SEC14L5: variants seen among roughly 807,000 people sequenced by gnomAD.
The protein encoded by SEC14L5 is SEC14 like lipid binding 5, also known as SEC14-like protein 5.
A neutral mutation model predicts 84.6 loss-of-function variants in SEC14L5; 96 were observed. The observed-to-expected ratio is 1.13, with a 90% CI of 0.96 to 1.34. The LOEUF (loss-of-function observed/expected upper bound fraction) is 1.34. SEC14L5 is among the 40% of genes most tolerant of loss of function. SEC14L5 has a pLI of 0.00. For synonymous variants in SEC14L5, 546 were observed against 383.4 expected, an observed-to-expected ratio of 1.42 and a Z score of -4.95; for missense variants, 1,224 against 942.5, an observed-to-expected ratio of 1.30 and a Z score of -3.91.
Position 5,000,658 on chromosome 16 carries a change from G to T in SEC14L5, c.974G>T (p.Gly325Val), listed in dbSNP as rs1319294672. 4 of 1,551,012 alleles carry T rather than the reference G, an allele frequency of 2.6e-6. No homozygotes were observed. The highest frequency in any genetic ancestry group is 3.5e-6 in the Non-Finnish European group (4 of 1,146,932). Residue 325 changes from glycine (G) to valine (V), a missense_variant, in exon 9 of 16, where the codon GGC becomes GTC. Gly to Val is a moderately radical substitution (Grantham distance 109, BLOSUM62 -3). Coordinates refer to ENST00000251170, the MANE Select transcript of SEC14L5 (RefSeq NM_014692.2). ...AGGWHYQDID[G>V]RPLYILRLGQ... ...CTGCTTGGCCCCATCCACAAAGATG[G>T]CCGCCCCCTCTACATCCTCCGCCTG... is the stretch of plus-strand genomic sequence containing the variant.
At chr16:4,971,274 C>T (rs1241346588) in intron 2 of SEC14L5, among the ~76,000 whole-genome samples, 2 of 152,080 alleles carry the variant, frequency 1.3e-5, no homozygotes, top group Non-Finnish European at 2.9e-5. Context: ...GCCTCGGCAA[C>T]ACAGTGAGAC....
At chr16:4,990,623 T>C (rs539774026) in intron 4 of SEC14L5, 144 bp from the exon 5 acceptor site, 6 of 684,496 alleles carry the variant, frequency 8.8e-6, no homozygotes, top group Non-Finnish European at 1.3e-5. Flanking sequence ...GGCCCCTTGG[T>C]CCTGCTACCC....
At position 4,972,027 on chromosome 16, in the gene SEC14L5, CT is replaced by C. The variant is rs775419037; in HGVS notation, c.63+12654del. On this transcript the variant is annotated intron_variant, in intron 2 of 15. Transcript: ENST00000251170. The stretch of plus-strand genomic sequence containing the variant: ...TAGACCATCTAGGAGGTGGCTTATT[CT>C]TTTTTTTTTTTTAATTGCCCGGGCT... 7.7e-3 allele frequency among the ~76,000 whole-genome samples: 1,119 copies of C among 145,008 alleles called. 2 individuals are homozygous for C. The highest frequency in any genetic ancestry group is 0.014 in the African/African-American group (561 of 39,796).
At chr16:4,979,254 C>G (rs1228655425) in intron 2 of SEC14L5, among the ~76,000 whole-genome samples, 4 of 152,132 alleles carry the variant, frequency 2.6e-5, no homozygotes, top group Admixed American at 2.6e-4. Context: ...GTTGGGCTGT[C>G]CTTCAGAGAT....
chr16:5,010,107 C>T (rs1955781499), intron 14 of SEC14L5, among the ~76,000 whole-genome samples: 1 of 146,034 alleles, frequency 6.8e-6, no homozygotes, highest in African/African-American at 2.6e-5. Context: ...CTCTGGGAGG[C>T]CGAGGCAGGT....
chr16:5,013,365 A>G (rs899719553), intron 15 of SEC14L5, among the ~76,000 whole-genome samples: 1 of 150,930 alleles, frequency 6.6e-6, no homozygotes, highest in African/African-American at 2.4e-5. Context: ...TGTGGTGGTC[A>G]CACAAGTCAC....
In SEC14L5 at chr16:4,998,708, A is replaced by C. The variant is rs1236158137; in HGVS notation, c.970+1664A>C. On this transcript the variant is annotated intron_variant, in intron 8 of 15. Transcript: ENST00000251170. ...AGCCGAGATCCCGCCACTGCACTCC[A>C]GCCTGGGCGACAGAGCGAGACTCCG... 3.2e-5 allele frequency among the ~76,000 whole-genome samples: 4 copies of C among 126,468 alleles called. No homozygotes were observed. The East Asian group carries it at 1.0e-3, about 32-fold the overall frequency. 83.0% of individuals were successfully genotyped at this position (126,468 alleles called of 152,430 possible). A position where few individuals can be genotyped will look rare whatever the true frequency, so the allele number is the denominator to read the frequency against.
intron 2 of SEC14L5, among the ~76,000 whole-genome samples, chr16:4,969,149 G>C (rs1304806340): frequency 6.6e-6 from 1 of 152,240 alleles, no homozygotes; most frequent in Non-Finnish European, 1.5e-5. Context: ...TTTGCGCTGG[G>C]AGAACAGAGG....
intron 2 of SEC14L5, among the ~76,000 whole-genome samples, chr16:4,979,458 G>A (rs1328928795): frequency 6.6e-6 from 1 of 152,206 alleles, no homozygotes; most frequent in African/African-American, 2.4e-5. Context: ...AGCAGCACAC[G>A]GTATGCAGTG....
At chr16:5,004,045 G>A (rs1274959220) in intron 11 of SEC14L5, among the ~76,000 whole-genome samples, 2 of 152,268 alleles carry the variant, frequency 1.3e-5, no homozygotes, top group African/African-American at 4.8e-5. Flanking sequence ...CCAGCCACTT[G>A]CATAGTGTGG....
chr16:5,006,129 G>A lies in SEC14L5; in HGVS notation c.1437+81G>A, dbSNP rs558823190. The A allele has an allele frequency of 6.2e-5, 92 of 1,480,930 alleles. No homozygotes were observed. In the South Asian group the frequency reaches 9.5e-4, roughly 15 times the overall value. The allele number at this position is 1,480,930 out of a possible 1,614,324, so 91.7% of individuals were successfully genotyped here. ...TGGGAGGCTGGGATTCCCGGAGTGG[G>A]GCTGGGAGGTGGAGGGGGGCTGGGT... On this transcript the variant is annotated intron_variant, in intron 12 of 15. Coordinates refer to ENST00000251170, the MANE Select transcript of SEC14L5 (RefSeq NM_014692.2).
intron 15 of SEC14L5, among the ~76,000 whole-genome samples, chr16:5,014,584 C>A (rs891230959): frequency 6.6e-6 from 1 of 152,240 alleles, no homozygotes; most frequent in South Asian, 2.1e-4. Context: ...GGGCCGGGGA[C>A]TCCCTGGGCT....
chr16:5,004,408 C>T (rs1596640867), intron 11 of SEC14L5, among the ~76,000 whole-genome samples: 1 of 152,274 alleles, frequency 6.6e-6, no homozygotes, highest in African/African-American at 2.4e-5. Context: ...AGCCGGGGTC[C>T]TGGCTGGAAG....
intron 14 of SEC14L5, among the ~76,000 whole-genome samples, chr16:5,010,260 A>G (rs1321054446): frequency 1.4e-5 from 2 of 142,248 alleles, no homozygotes; most frequent in African/African-American, 5.3e-5. Context: ...GCTACTCGGG[A>G]GGCTAAGGCA....
At chr16:4,969,097 G>C (rs766700964) in intron 2 of SEC14L5, among the ~76,000 whole-genome samples, 6 of 152,244 alleles carry the variant, frequency 3.9e-5, no homozygotes, top group Non-Finnish European at 7.3e-5. Context: ...GTTGCTAACA[G>C]ATTAAGGCAA....
chr16:4,972,152 C>A (rs34763213), intron 2 of SEC14L5, among the ~76,000 whole-genome samples: 10,581 of 151,950 alleles, frequency 0.07, 538 homozygotes, highest in Admixed American at 0.12. Flanking sequence ...ACTATAGGTG[C>A]CACCGAACCT....
intron 6 of SEC14L5, 67 bp from the exon 7 acceptor site, chr16:4,996,281 C>G: frequency 1.0e-6 from 1 of 980,814 alleles, no homozygotes; most frequent in Non-Finnish European, 1.6e-6. Flanking sequence ...AGGAATGGCA[C>G]ACAGACCACA....
chr16:4,983,462 A>G (rs944898397), intron 2 of SEC14L5, among the ~76,000 whole-genome samples: 1 of 149,848 alleles, frequency 6.7e-6, no homozygotes, highest in Non-Finnish European at 1.5e-5. Flanking sequence ...TTATAAAATT[A>G]TATTATACAG....
In SEC14L5 at chr16:5,011,191, G is replaced by C. The variant is rs781520324; in HGVS notation, c.1897G>C (p.Asp633His). The change falls in exon 15 of 16, where the codon GAT (aspartate) becomes CAT (histidine). Residue 633 changes from aspartate to histidine, a missense_variant. Asp to His is a moderately conservative substitution (Grantham distance 81). Coordinates refer to ENST00000251170, the MANE Select transcript of SEC14L5 (RefSeq NM_014692.2). The part of the protein sequence containing the change: ...SVACSLPGVD[D>H]VLTALHSPGP... Reference sequence around the variant, plus strand: ...GGCCTGCAGCCTCCCGGGTGTGGACGATGTCCTGACGGCTCTGCACAGCCC... The same window carrying C: ...GGCCTGCAGCCTCCCGGGTGTGGACCATGTCCTGACGGCTCTGCACAGCCC... 4.3e-6 allele frequency: 7 copies of C among 1,613,734 alleles called. No homozygotes were observed. The highest frequency in any genetic ancestry group is 5.9e-6 in the Non-Finnish European group (7 of 1,179,838).
Sources: gnomAD v4.1 joint callset for allele counts (sites outside exome capture counted in the v4.1 genomes callset) on GRCh38, gnomAD v4.1.1 for gene constraint, MANE v1.5 for transcripts, NCBI Gene and HGNC (gene_info 2026-07-23, HGNC 2026-07-21) for gene names.